The following MYO1C variants were observed in gnomAD, a reference collection of about 807,000 sequenced individuals.
MYO1C encodes the protein unconventional myosin-Ic.
Under a neutral mutation model 150.8 loss-of-function variants are expected in MYO1C, and 104 were observed. The observed-to-expected ratio is 0.69, with a 90% CI of 0.59 to 0.81. The LOEUF is 0.81. Among genes scored for constraint, MYO1C ranks in the 30% least tolerant of loss-of-function variants. The probability of loss-of-function intolerance (pLI) is 0.00; values close to 1 mark genes in which losing one functional copy is unlikely to be tolerated. For missense variants in MYO1C, 1,504 were observed against 1,435.0 expected, an observed-to-expected ratio of 1.05 and a Z score of -0.78; for synonymous variants, 663 against 579.9, an observed-to-expected ratio of 1.14 and a Z score of -2.06.
In MYO1C at chr17:1,470,682, C is replaced by CT. The variant is rs1278868814; in HGVS notation, c.2219dup (p.Ile741AspfsTer102). ...GAAAGCCCCTCCAGGCAGCTTGGAT[C>CT]TTTGTGGCTGCGGTTGGGAAAGAAA... On this transcript the variant is annotated frameshift_variant, in exon 22 of 32. Transcript: ENST00000648651. LOFTEE classifies it high-confidence loss of function. The CT allele has an allele frequency of 6.2e-7, 1 of 1,605,590 alleles. No homozygotes were observed.
At chr17:1,488,539 A>G (rs1014361745) in intron 1 of MYO1C, among the ~76,000 whole-genome samples, 14 of 152,334 alleles carry the variant, frequency 9.2e-5, no homozygotes, top group African/African-American at 3.4e-4. Context: ...CATCACTCCA[A>G]TGCAGAAGAA....
In MYO1C at chr17:1,470,281, A is replaced by C. The variant is rs1477865465; in HGVS notation, c.2420T>G (p.Phe807Cys). The C allele has an allele frequency of 6.3e-7, 1 of 1,593,900 alleles. No homozygotes were observed. The highest frequency in any genetic ancestry group is 1.8e-5 in the Admixed American group (1 of 56,890). Reference protein sequence around the residue: ...RHAPRCPENAFFLDHVRTSFL... With the variant: ...RHAPRCPENACFLDHVRTSFL... Reference sequence around the variant, plus strand: ...AGAGGTGCGCACATGGTCCAGGAAGAAGGCGTTCTCGGGGCAGCGGGGGGC... The same window carrying C: ...AGAGGTGCGCACATGGTCCAGGAAGCAGGCGTTCTCGGGGCAGCGGGGGGC... Residue 807 changes from phenylalanine to cysteine, a missense_variant, in exon 24 of 32, where the codon TTC becomes TGC. Phe to Cys is a radical substitution (Grantham distance 205, BLOSUM62 -2). Transcript: ENST00000648651.
At chr17:1,477,177 TCC>T (rs2074417405) in intron 14 of MYO1C, 1 of 290,942 alleles carries the variant, frequency 3.4e-6, no homozygotes. Flanking sequence ...TTTATTTTTT[TCC>T]CTTTTTTTTT....
At chr17:1,488,076 G>C (rs944905203) in intron 1 of MYO1C, among the ~76,000 whole-genome samples, 6 of 152,136 alleles carry the variant, frequency 3.9e-5, no homozygotes. Context: ...AGGCGTGGGG[G>C]ACTCGGGCCG....
chr17:1,471,767 G>A (rs1171753039), intron 19 of MYO1C, 140 bp downstream of exon 19: 2 of 900,812 alleles, frequency 2.2e-6, no homozygotes, highest in Non-Finnish European at 3.6e-6. Context: ...CAGCACCAAG[G>A]GCCTCCACCA....
In MYO1C at chr17:1,474,792, C is replaced by A. The variant is rs772423598; in HGVS notation, c.1716+20G>T. On this transcript the variant is annotated intron_variant, in intron 16 of 31. Coordinates refer to ENST00000648651, the MANE Select transcript of MYO1C (RefSeq NM_001080779.2). ...TGGGCTATCCCCACCCCCACCCCGGCCTCCCCACGTCCTCCTCACCTCCTT... is the reference window on the plus strand; with the variant it reads ...TGGGCTATCCCCACCCCCACCCCGGACTCCCCACGTCCTCCTCACCTCCTT... 4.4e-6 allele frequency: 7 copies of A among 1,604,696 alleles called. No homozygotes were observed. Among genetic ancestry groups the A allele is most frequent in the Non-Finnish European group, 6.0e-6 (7 of 1,171,640 alleles).
intron 26 of MYO1C, 32 bp from the exon 27 acceptor site, chr17:1,468,340 T>C: frequency 6.2e-7 from 1 of 1,613,858 alleles, no homozygotes; most frequent in Non-Finnish European, 8.5e-7. Context: ...GGGAAGTCAG[T>C]GGAGGCAATG....
In MYO1C at chr17:1,482,914, C is replaced by G. The variant is rs770822538; in HGVS notation, c.493G>C (p.Glu165Gln). ...QFYAETCPAP[E>Q]RGGAVRDRLL... Reference sequence around the variant, plus strand: ...CGGTCCCGCACGGCACCTCCGCGCTCGGGGGCTGGGCAGGTCTCTGCATAG... The same window carrying G: ...CGGTCCCGCACGGCACCTCCGCGCTGGGGGGCTGGGCAGGTCTCTGCATAG... The change falls in exon 4 of 32, where the codon GAG (glutamate) becomes CAG (glutamine). Residue 165 changes from glutamate (E) to glutamine (Q), a missense_variant. By Grantham distance (29) the Glu-to-Gln change is conservative. Coordinates refer to ENST00000648651, the MANE Select transcript of MYO1C (RefSeq NM_001080779.2). The G allele has an allele frequency of 5.0e-6, 8 of 1,611,128 alleles. No individual in the cohort carries two copies. Among genetic ancestry groups the G allele is most frequent in the Non-Finnish European group, 6.8e-6 (8 of 1,179,750 alleles).
In MYO1C at chr17:1,472,020, G is replaced by A; in HGVS notation, c.1908C>T (p.Arg636=). Residue 636 remains arginine, a synonymous_variant, in exon 19 of 32, where the codon CGC becomes CGT. Transcript: ENST00000648651. ...IKPNDAKQPG[R]FDEVLIRHQV... ...GGTGGCGGATCAGCACCTCGTCAAA[G>A]CGGCCTGGGGTAGGGGGAGCGCCGT... The A allele has an allele frequency of 1.2e-6, 2 of 1,613,976 alleles. No individual in the cohort carries two copies. Among genetic ancestry groups the A allele is most frequent in the Non-Finnish European group, 1.7e-6 (2 of 1,179,966 alleles).
rs200249509 is a variant in MYO1C at position 1,478,466 on chromosome 17, G to A, written c.1239C>T (p.Ser413=). Residue 413 remains serine, a synonymous_variant, in exon 11 of 32, where the codon AGC becomes AGT. Coordinates refer to ENST00000648651, the MANE Select transcript of MYO1C (RefSeq NM_001080779.2). The surrounding 1 kb of genome is among the most constrained non-coding windows in gnomAD (Gnocchi z 6.3). Reference sequence around the variant, plus strand: ...TATCCAGGAGCCCGAGAACCGTGGTGCTCCGCCAGCTGGGGCTCTCCACGT... The same window carrying A: ...TATCCAGGAGCCCGAGAACCGTGGTACTCCGCCAGCTGGGGCTCTCCACGT... The part of the protein sequence containing the change: ...SKDVESPSWR[S]TTVLGLLDIY... 1.1e-4 allele frequency: 180 copies of A among 1,614,080 alleles called. No individual in the cohort carries two copies. The highest frequency in any genetic ancestry group is 3.3e-4 in the Middle Eastern group (2 of 6,082).
In MYO1C at chr17:1,479,647, T is replaced by C. The variant is rs1351893146; in HGVS notation, c.965A>G (p.Asn322Ser). 8.1e-6 allele frequency: 13 copies of C among 1,613,162 alleles called. No homozygotes were observed. The highest frequency in any genetic ancestry group is 1.7e-5 in the Admixed American group (1 of 59,944). ...LHLGNIHFAA[N>S]EESNAQVTTE... ...GGTGACCTGGGCATTGCTCTCCTCG[T>C]TGGCAGCAAAGTGGATGTTGCCCAA... is the stretch of plus-strand genomic sequence containing the variant. Residue 322 changes from asparagine (N) to serine (S), a missense_variant, in exon 8 of 32, where the codon AAC becomes AGC. Physicochemically the swap from Asn to Ser is conservative, Grantham distance 46 (BLOSUM62 1). Transcript: ENST00000648651. The surrounding 1 kb of genome is among the most constrained non-coding windows in gnomAD (Gnocchi z 4.2).
chr17:1,491,716 G>A (rs1260055925), intron 1 of MYO1C: 7 of 918,276 alleles, frequency 7.6e-6, no homozygotes, highest in African/African-American at 1.8e-5. Flanking sequence ...GCCGCAGCCT[G>A]TCGTCATCCC....
intron 25 of MYO1C, 160 bp downstream of exon 25, chr17:1,469,370 AG>A (rs1308261498): frequency 1.4e-6 from 1 of 693,946 alleles, no homozygotes; most frequent in Non-Finnish European, 2.6e-6. Flanking sequence ...TGGGGTAAAT[AG>A]AGTAGACCAG....
Position 1,478,688 on chromosome 17 carries a change from G to A in MYO1C, c.1140C>T (p.Ala380=), listed in dbSNP as rs753132636. 22 of 1,614,170 alleles carry A rather than the reference G, an allele frequency of 1.4e-5. No individual in the cohort carries two copies. In the South Asian group the frequency reaches 2.3e-4, roughly 17 times the overall value. The change falls in exon 10 of 32, where the codon GCC becomes GCT. Residue 380 remains alanine, a synonymous_variant. Coordinates refer to ENST00000648651, the MANE Select transcript of MYO1C (RefSeq NM_001080779.2). The surrounding 1 kb of genome is among the most constrained non-coding windows in gnomAD (Gnocchi z 6.3). ...NLEQAAYARD[A]LAKAVYSRTF... ...TGCGGCTGTACACAGCCTTGGCGAG[G>A]GCGTCTCGTGCGTACGCGGCCTGCT...
At chr17:1,477,270 C>T in intron 14 of MYO1C, 2 of 546,428 alleles carry the variant, frequency 3.7e-6, no homozygotes, top group Non-Finnish European at 6.6e-6. Context: ...CCTCAAAACT[C>T]CAGGGCTCAA....
rs1179014188 is a variant in MYO1C at position 1,467,571 on chromosome 17, C to T, written c.2974G>A (p.Val992Met). 6.2e-7 allele frequency: 1 copy of T among 1,613,268 alleles called. No homozygotes were observed. Among genetic ancestry groups the T allele is most frequent in the Non-Finnish European group, 8.5e-7 (1 of 1,179,926 alleles). The change falls in exon 30 of 32, where the codon GTG (valine) becomes ATG (methionine). Residue 992 changes from valine to methionine, a missense_variant. Transcript: ENST00000648651. Reference protein sequence around the residue: ...QRADNKQKGDVVLQSDHVIET... With the variant: ...QRADNKQKGDMVLQSDHVIET... ...ATCACGTGGTCACTCTGCAGCACCA[C>T]ATCTCCCTGGGGGGCCAGGCAGGAG...
intron 1 of MYO1C, 140 bp downstream of exon 1, chr17:1,492,273 G>T: frequency 2.5e-6 from 2 of 816,156 alleles, no homozygotes; most frequent in Non-Finnish European, 4.1e-6. Context: ...ACCCCGTCTT[G>T]TTCAGTCTGT....
Position 1,480,890 on chromosome 17 carries a change from G to T in MYO1C, c.628-5C>A, listed in dbSNP as rs201919233. The T allele has an allele frequency of 2.3e-3, 3,700 of 1,613,576 alleles. 9 individuals are homozygous for T. Among genetic ancestry groups the T allele is most frequent in the Non-Finnish European group, 2.8e-3 (3,309 of 1,179,952 alleles). ...GTGGCCACCCACGGGGGCACCCTGT[G>T]GGCAGGGCAGGGCATGAGGCCGGGT... On this transcript the variant is annotated splice_region_variant and splice_polypyrimidine_tract_variant and intron_variant, in intron 5 of 31. Transcript: ENST00000648651.
chr17:1,472,415 G>T (rs1190115943), intron 17 of MYO1C, 187 bp from the exon 18 acceptor site: 2 of 603,674 alleles, frequency 3.3e-6, no homozygotes, highest in African/African-American at 3.7e-5. Context: ...TTACCCCTCT[G>T]GCTGGGCGAG....
Sources: gnomAD v4.1 joint callset for allele counts (sites outside exome capture counted in the v4.1 genomes callset) on GRCh38, gnomAD v4.1.1 for gene constraint, Gnocchi (gnomAD v3.1) non-coding constraint, MANE v1.5 for transcripts, NCBI Gene and HGNC (gene_info 2026-07-23, HGNC 2026-07-21) for gene names.